Variants in PPFIBP2 observed in about 807,000 individuals in gnomAD.
The protein encoded by PPFIBP2 is PPFIB scaffold protein 2, also known as liprin-beta-2.
Under a neutral mutation model 118.3 loss-of-function variants are expected in PPFIBP2, and 118 were observed. The ratio of observed to expected loss-of-function variants is 1.00; its 90% CI spans 0.86 to 1.16. PPFIBP2 has a LOEUF of 1.16. Among genes scored for constraint, PPFIBP2 ranks in the 50% most tolerant of loss-of-function variants. The pLI, the probability that PPFIBP2 is intolerant of heterozygous loss-of-function variation, is 0.00. For synonymous variants in PPFIBP2, 414 were observed against 397.4 expected (o/e 1.04, Z -0.50); for missense variants, 1,195 against 1,073.1 (o/e 1.11, Z -1.59).
At chr11:7,554,788 C>CTAGACTAGAT (rs1230480916) in intron 2 of PPFIBP2, among the ~76,000 whole-genome samples, 3 of 151,034 alleles carry the variant, frequency 2.0e-5, no homozygotes, top group Non-Finnish European at 4.4e-5. Flanking sequence ...TCCCAGGTGA[C>CTAGACTAGAT]TAGACTAGAC....
At chr11:7,637,836 C>T (rs770796406) in intron 14 of PPFIBP2, among the ~76,000 whole-genome samples, 10 of 152,302 alleles carry the variant, frequency 6.6e-5, no homozygotes, top group East Asian at 3.9e-4. Context: ...TCTTACAGGT[C>T]GGGGCTGCCT....
At chr11:7,554,880 T>C (rs1853430235) in intron 2 of PPFIBP2, among the ~76,000 whole-genome samples, 1 of 151,996 alleles carries the variant, frequency 6.6e-6, no homozygotes, top group Non-Finnish European at 1.5e-5. Flanking sequence ...AGGGTGGCTG[T>C]TAAAGACTCT....
At chr11:7,604,588 C>CCACA (rs902581083) in intron 5 of PPFIBP2, among the ~76,000 whole-genome samples, 1 of 150,406 alleles carries the variant, frequency 6.6e-6, no homozygotes, top group African/African-American at 2.4e-5. Context: ...ACCCACCCAT[C>CCACA]CACACACACA....
At chr11:7,561,858 T>A (rs1854334619) in intron 2 of PPFIBP2, among the ~76,000 whole-genome samples, 1 of 152,242 alleles carries the variant, frequency 6.6e-6, no homozygotes, top group South Asian at 2.1e-4. Context: ...ATAGTTAAGA[T>A]ATTAGCTGGG....
In PPFIBP2 at chr11:7,627,257, TC is replaced by T. The variant is rs143165874; in HGVS notation, c.827-1024del. ...AGTCTTCATCTAGAGCTTACTGCCC[TC>T]CCCAGCAAAGTGAGCTGCAGAGCTG... On this transcript the variant is annotated intron_variant, in intron 8 of 23. Coordinates refer to ENST00000299492, the MANE Select transcript of PPFIBP2 (RefSeq NM_003621.5). Among the ~76,000 whole-genome samples, 1,000 of 152,250 alleles carry T rather than the reference TC, an allele frequency of 6.6e-3. 12 individuals are homozygous for T. Among genetic ancestry groups the T allele is most frequent in the African/African-American group, 0.023 (957 of 41,556 alleles).
intron 1 of PPFIBP2, among the ~76,000 whole-genome samples, chr11:7,532,089 A>T (rs181542007): frequency 3.6e-4 from 55 of 151,946 alleles, no homozygotes; most frequent in African/African-American, 1.3e-3. Context: ...TGATCCACTC[A>T]CCTCGGCCTC....
intron 12 of PPFIBP2, 127 bp from the exon 13 acceptor site, chr11:7,634,368 G>A: frequency 2.8e-6 from 2 of 715,570 alleles, no homozygotes; most frequent in Non-Finnish European, 2.4e-6. Flanking sequence ...TTATGAGAGG[G>A]TATTTTTTTT....
At chr11:7,667,132 C>G in the PPFIBP2 span, 1 of 152,168 alleles carries the variant, frequency 6.6e-6, no homozygotes, top group Admixed American at 6.5e-5. Context: ...CCCAGTCATT[C>G]CACTTCTGGG....
intron 3 of PPFIBP2, among the ~76,000 whole-genome samples, chr11:7,567,551 G>A (rs1855145475): frequency 6.6e-6 from 1 of 152,206 alleles, no homozygotes; most frequent in Admixed American, 6.5e-5. Context: ...CTTTTAGGGG[G>A]TCAGAAGTTC....
intron 4 of PPFIBP2, among the ~76,000 whole-genome samples, chr11:7,594,991 C>A (rs1471693408): frequency 4.7e-5 from 7 of 150,252 alleles, no homozygotes; most frequent in Non-Finnish European, 4.4e-5. Flanking sequence ...ATTTCAGGTG[C>A]TGGTAAGAAC....
At chr11:7,666,742 TTCCTCCATGTGGATGAAGA>T in the PPFIBP2 span, 2 of 478,450 alleles carry the variant, frequency 4.2e-6, no homozygotes, top group Non-Finnish European at 7.6e-6. Flanking sequence ...GTGGATGAAG[TTCCTCCATGTGGATGAAGA>T]ACCTCCATGG....
chr11:7,620,836 G>T (rs1849261655), intron 6 of PPFIBP2, 99 bp from the exon 7 acceptor site: 1 of 799,526 alleles, frequency 1.3e-6, no homozygotes, highest in Admixed American at 1.8e-5. Flanking sequence ...GGAGCTTGAT[G>T]TGGTTGCTGC....
intron 1 of PPFIBP2, chr11:7,539,259 C>G (rs1309232365): frequency 6.6e-6 from 1 of 152,630 alleles, no homozygotes; most frequent in South Asian, 2.1e-4. Flanking sequence ...GACAGGATAT[C>G]TCGCTGTGTT....
At chr11:7,665,409 G>A in the PPFIBP2 span, 3 of 1,604,680 alleles carry the variant, frequency 1.9e-6, no homozygotes, top group Admixed American at 1.7e-5. Context: ...GTATAACCCA[G>A]CTTCTCCAGG....
At chr11:7,568,335 G>T (rs1040405793) in intron 3 of PPFIBP2, among the ~76,000 whole-genome samples, 1 of 152,152 alleles carries the variant, frequency 6.6e-6, no homozygotes, top group Non-Finnish European at 1.5e-5. Context: ...CTCAAGGGGT[G>T]GTTTTTGCTC....
At chr11:7,646,809 C>T (rs78684900) in intron 17 of PPFIBP2, among the ~76,000 whole-genome samples, 2,721 of 152,228 alleles carry the variant, frequency 0.018, 44 homozygotes, top group Non-Finnish European at 0.029. Context: ...AAAAAAGAAT[C>T]AAACTATAGA....
Position 7,609,993 on chromosome 11 carries a change from A to G in PPFIBP2, c.487-298A>G, listed in dbSNP as rs151282215. ...GAAATTTCGTTCTTTGAAAGTATCC[A>G]TTCACTTTTCTCTACATGGAAATAA... is the stretch of plus-strand genomic sequence containing the variant. On this transcript the variant is annotated intron_variant, in intron 5 of 23. Coordinates refer to ENST00000299492, the MANE Select transcript of PPFIBP2 (RefSeq NM_003621.5). Among the ~76,000 whole-genome samples the G allele has an allele frequency of 5.7e-3, 861 of 152,348 alleles. 27 individuals carry two copies. The highest frequency in any genetic ancestry group is 0.036 in the Admixed American group (554 of 15,302).
intron 23 of PPFIBP2, 144 bp from the exon 24 acceptor site, chr11:7,652,880 T>C (rs2136043007): frequency 1.0e-6 from 1 of 967,928 alleles, no homozygotes; most frequent in Non-Finnish European, 1.5e-6. Flanking sequence ...TTCCAAGAGC[T>C]CTGTTTTGTT....
chr11:7,535,738 T>A (rs1590148293), intron 1 of PPFIBP2, among the ~76,000 whole-genome samples: 2 of 151,838 alleles, frequency 1.3e-5, no homozygotes, highest in Admixed American at 1.3e-4. Flanking sequence ...AGAGGCCAGG[T>A]GTTACTCAGG....
Sources: allele counts gnomAD v4.1 joint callset (sites outside exome capture counted in the v4.1 genomes callset), GRCh38; gene constraint gnomAD v4.1.1; transcripts MANE v1.5; gene names NCBI Gene and HGNC (gene_info 2026-07-23, HGNC 2026-07-21).